The following COL7A1 variants were observed in gnomAD, a reference collection of about 807,000 sequenced individuals.
COL7A1 encodes collagen alpha-1(VII) chain.
A neutral mutation model predicts 456.2 loss-of-function variants in COL7A1; 296 were observed. The ratio of observed to expected loss-of-function variants is 0.65; its 90% CI spans 0.59 to 0.71. The LOEUF is 0.71. Ranked by LOEUF, COL7A1 falls within the 30% of genes least tolerant of loss-of-function variation. The probability of loss-of-function intolerance (pLI) is 0.00; values close to 1 mark genes in which losing one functional copy is unlikely to be tolerated. For synonymous variants in COL7A1, 1,464 were observed against 1,525.9 expected, an observed-to-expected ratio of 0.96 and a Z score of 0.95; for missense variants, 3,441 against 4,017.2, an observed-to-expected ratio of 0.86 and a Z score of 3.88.
chr3:48,584,425 G>T lies in COL7A1; in HGVS notation c.4120-50C>A, dbSNP rs372565695. 9 of 1,612,722 alleles carry T rather than the reference G, an allele frequency of 5.6e-6. No individual in the cohort carries two copies. The Admixed American group carries it at 6.7e-5, about 12-fold the overall frequency. ...GTGCAACCCCACAGACCTCACTCTC[G>T]CCCCCCTCGTGTTGGTCCCCCCACT... On this transcript the variant is annotated intron_variant, in intron 36 of 118. Transcript: ENST00000681320.
Position 48,572,880 on chromosome 3 carries a change from T to C in COL7A1, c.6813A>G (p.Arg2271=). The C allele has an allele frequency of 6.2e-7, 1 of 1,613,918 alleles. No homozygotes were observed. The highest frequency in any genetic ancestry group is 8.5e-7 in the Non-Finnish European group (1 of 1,179,958). ...CACATACTGGCACACCAGGGCTCCC[T>C]CTGTCTCCATCTTTTCCACTGGCAC... ...RDGASGKDGD[R]GSPGVPGSPG... is the part of the protein sequence containing the mutation. Residue 2271 remains arginine, a synonymous_variant, in exon 87 of 119, where the codon AGA becomes AGG. Coordinates refer to ENST00000681320, the MANE Select transcript of COL7A1 (RefSeq NM_000094.4). This position sits in a 1 kb window ranked among gnomAD's most constrained non-coding sequence, Gnocchi z 4.6.
Position 48,567,529 on chromosome 3 carries a change from C to T in COL7A1, c.8046+45G>A. The T allele has an allele frequency of 1.9e-6, 3 of 1,613,198 alleles. No homozygotes were observed. The highest frequency in any genetic ancestry group is 2.5e-6 in the Non-Finnish European group (3 of 1,179,172). Reference sequence around the variant, plus strand: ...ATGACCCGACCATGAGCTTCCCTGCCCCATCCTGACTCCCTGTCATGTCCA... The same window carrying T: ...ATGACCCGACCATGAGCTTCCCTGCTCCATCCTGACTCCCTGTCATGTCCA... On this transcript the variant is annotated intron_variant, in intron 109 of 118. Coordinates refer to ENST00000681320, the MANE Select transcript of COL7A1 (RefSeq NM_000094.4). This position sits in a 1 kb window ranked among gnomAD's most constrained non-coding sequence, Gnocchi z 4.3.
At position 48,567,828 on chromosome 3, in the gene COL7A1, C is replaced by T. The variant is rs1455636240; in HGVS notation, c.7929+10G>A. The T allele has an allele frequency of 6.2e-7, 1 of 1,614,176 alleles. No individual in the cohort carries two copies. Among genetic ancestry groups the T allele is most frequent in the Non-Finnish European group, 8.5e-7 (1 of 1,180,022 alleles). On this transcript the variant is annotated intron_variant, in intron 107 of 118. Transcript: ENST00000681320. This position sits in a 1 kb window ranked among gnomAD's most constrained non-coding sequence, Gnocchi z 4.3. ...GCCACGTAGCCCCCCAGCCCCCATC[C>T]CCTCTGTACCTTGTCTCCCTTCTCT...
At chr3:48,577,630 T>G (rs1009769884) in intron 65 of COL7A1, among the ~76,000 whole-genome samples, 1 of 152,222 alleles carries the variant, frequency 6.6e-6, no homozygotes, top group African/African-American at 2.4e-5. Flanking sequence ...CAGGTCCACA[T>G]GCGGTCTTGG....
At chr3:48,582,382 G>C (rs1196086954) in intron 46 of COL7A1, 24 bp from the exon 47 acceptor site, 1 of 1,614,050 alleles carries the variant, frequency 6.2e-7, no homozygotes. Flanking sequence ...ATAGGAGCAG[G>C]GACAGGTCAG....
At position 48,567,143 on chromosome 3, in the gene COL7A1, GC is replaced by G. The variant is rs1560195478; in HGVS notation, c.8093del (p.Gly2698AlafsTer88). Reference protein sequence around the residue: ...DGQPGPKGDQGEKGERGTPGI... With the variant: ...DGQPGPKGDQXEKGERGTPGI... The stretch of plus-strand genomic sequence containing the variant: ...TTCAACTCACCCGCTCCCCTTTCTC[GC>G]CCTGGTCACCCTTGGGGCCTGGCTG... On this transcript the variant is annotated frameshift_variant, in exon 110 of 119. Transcript: ENST00000681320. LOFTEE classifies it high-confidence loss of function. The surrounding 1 kb of genome is among the most constrained non-coding windows in gnomAD (Gnocchi z 4.3). The G allele has an allele frequency of 1.9e-6, 3 of 1,613,838 alleles. No homozygotes were observed. The highest frequency in any genetic ancestry group is 2.5e-6 in the Non-Finnish European group (3 of 1,179,956).
chr3:48,584,828 A>T, intron 34 of COL7A1, 59 bp from the exon 35 acceptor site: 2 of 1,613,766 alleles, frequency 1.2e-6, no homozygotes. Flanking sequence ...CAACGTGGGC[A>T]CTGCACCACC....
chr3:48,590,376 C>G lies in COL7A1; in HGVS notation c.1907-20G>C. 1 of 1,614,064 alleles carries G rather than the reference C, an allele frequency of 6.2e-7. No individual in the cohort carries two copies. Among genetic ancestry groups the G allele is most frequent in the Non-Finnish European group, 8.5e-7 (1 of 1,179,984 alleles). Reference sequence around the variant, plus strand: ...CCGGACCTGAGGTCAGAGGGAAATGCTGGCATGGCTCCTGCCTGTCCCCTC... The same window carrying G: ...CCGGACCTGAGGTCAGAGGGAAATGGTGGCATGGCTCCTGCCTGTCCCCTC... On this transcript the variant is annotated intron_variant, in intron 15 of 118. Transcript: ENST00000681320. This position sits in a 1 kb window ranked among gnomAD's most constrained non-coding sequence, Gnocchi z 4.6.
chr3:48,587,390 A>G lies in COL7A1; in HGVS notation c.2992+30T>C. The G allele has an allele frequency of 1.2e-6, 2 of 1,613,114 alleles. 1 individual carries two copies. The highest frequency in any genetic ancestry group is 2.2e-5 in the South Asian group (2 of 91,070). ...CTGTCTCCACAGAGCCCCAACTGCC[A>G]GCCCACCCAAATCCTGGCCTCCCCC... On this transcript the variant is annotated intron_variant, in intron 23 of 118. Transcript: ENST00000681320. This position sits in a 1 kb window ranked among gnomAD's most constrained non-coding sequence, Gnocchi z 6.1.
Position 48,583,073 on chromosome 3 carries a change from C to G in COL7A1, c.4483-25G>C. On this transcript the variant is annotated intron_variant, in intron 43 of 118. Coordinates refer to ENST00000681320, the MANE Select transcript of COL7A1 (RefSeq NM_000094.4). The surrounding 1 kb of genome is among the most constrained non-coding windows in gnomAD (Gnocchi z 5.1). The stretch of plus-strand genomic sequence containing the variant: ...CCTGATGGAAAAGAAGAGGTCAGAG[C>G]TGAGTTGGGCCCAGATCCTCCAGGG... 1.2e-6 allele frequency: 2 copies of G among 1,614,042 alleles called. No individual in the cohort carries two copies.
rs1198420947 is a variant in COL7A1, at chr3:48,580,837, G to A, written c.4980+45C>T. 4 of 1,612,230 alleles carry A rather than the reference G, an allele frequency of 2.5e-6. No individual in the cohort carries two copies. In the Admixed American group the frequency reaches 5.0e-5, roughly 20 times the overall value. Reference sequence around the variant, plus strand: ...CCTCAGCCTTTCCTATCACCTTCATGCCCACCTCCCATCACCCCTGTTACT... The same window carrying A: ...CCTCAGCCTTTCCTATCACCTTCATACCCACCTCCCATCACCCCTGTTACT... On this transcript the variant is annotated intron_variant, in intron 54 of 118. Coordinates refer to ENST00000681320, the MANE Select transcript of COL7A1 (RefSeq NM_000094.4). This position sits in a 1 kb window ranked among gnomAD's most constrained non-coding sequence, Gnocchi z 4.5.
At position 48,584,508 on chromosome 3, in the gene COL7A1, G is replaced by A. The variant is rs147089666; in HGVS notation, c.4096C>T (p.Arg1366Trp). 9.3e-6 allele frequency: 15 copies of A among 1,613,700 alleles called. No individual in the cohort carries two copies. The highest frequency in any genetic ancestry group is 5.3e-5 in the African/African-American group (4 of 74,816). ...IGGEGPGLPG[R>W]KGDPGPSGPP... ...ACCGATGGTCCAGGGTCCCCTTTCC[G>A]CCCAGGAAGCCCAGGTCCTTCACCT... The change falls in exon 36 of 119, where the codon CGG becomes TGG. Residue 1366 changes from arginine (R) to tryptophan (W), a missense_variant. This residue lies in a region of COL7A1 where 2,084 missense variants were observed against 2,501.3 expected (regional missense o/e 0.83). Transcript: ENST00000681320.
rs2043950718 is a variant in COL7A1 at position 48,571,982 on chromosome 3, G to A, written c.7068+19C>T. On this transcript the variant is annotated intron_variant, in intron 92 of 118. Transcript: ENST00000681320. The surrounding 1 kb of genome is among the most constrained non-coding windows in gnomAD (Gnocchi z 4.6). ...CACTCCTCAGGCCAGGCTCGCCCTT[G>A]CCTAGGCCCCGGACTCACATCTTCC... 2 of 1,610,688 alleles carry A rather than the reference G, an allele frequency of 1.2e-6. No individual in the cohort carries two copies. Among genetic ancestry groups the A allele is most frequent in the East Asian group, 4.5e-5 (2 of 44,752 alleles).
intron 47 of COL7A1, 46 bp downstream of exon 47, chr3:48,582,277 C>T (rs1489514626): frequency 1.2e-6 from 2 of 1,613,662 alleles, no homozygotes; most frequent in African/African-American, 2.7e-5. Context: ...AGGGTCACTG[C>T]TCAAGGGCTG....
Position 48,574,997 on chromosome 3 carries a change from G to A in COL7A1, c.6279+67C>T. The A allele has an allele frequency of 6.3e-7, 1 of 1,578,422 alleles. No homozygotes were observed. Among genetic ancestry groups the A allele is most frequent in the Non-Finnish European group, 8.7e-7 (1 of 1,148,858 alleles). On this transcript the variant is annotated intron_variant, in intron 76 of 118. Coordinates refer to ENST00000681320, the MANE Select transcript of COL7A1 (RefSeq NM_000094.4). The surrounding 1 kb of genome is among the most constrained non-coding windows in gnomAD (Gnocchi z 5.0). ...TTATGGCACACACTACCATATTTCTGGGGACCAAGCTAAGGGTGGCTTCCT... is the reference window on the plus strand; with the variant it reads ...TTATGGCACACACTACCATATTTCTAGGGACCAAGCTAAGGGTGGCTTCCT...
In COL7A1 at chr3:48,592,595, C is replaced by T. The variant is rs1482481603; in HGVS notation, c.951G>A (p.Glu317=). Residue 317 remains glutamate, a synonymous_variant, in exon 8 of 119, where the codon GAG becomes GAA. Transcript: ENST00000681320. This position sits in a 1 kb window ranked among gnomAD's most constrained non-coding sequence, Gnocchi z 7.6. ...TGGTCCGAGCTGTCCCGCTCACAGC[C>T]TCCCCGATGCTGTTGGCGTAGAGGG... is the stretch of plus-strand genomic sequence containing the variant. ...VIALYANSIG[E]AVSGTARTTA... 2.8e-5 allele frequency: 45 copies of T among 1,613,938 alleles called. No homozygotes were observed. Among genetic ancestry groups the T allele is most frequent in the Non-Finnish European group, 3.6e-5 (43 of 1,180,054 alleles).
Position 48,594,773 on chromosome 3 carries a change from C to A in COL7A1, c.86-225G>T, listed in dbSNP as rs2045960180. On this transcript the variant is annotated intron_variant, in intron 2 of 118. Transcript: ENST00000681320. The surrounding 1 kb of genome is among the most constrained non-coding windows in gnomAD (Gnocchi z 5.5). The stretch of plus-strand genomic sequence containing the variant: ...GGGGTGTGCGGGGGAGGGAGAGTCG[C>A]CAGCACGGGTGTGGACTTGGGACTG... Among the ~76,000 whole-genome samples the A allele has an allele frequency of 6.6e-6, 1 of 152,116 alleles. No homozygotes were observed.
Position 48,591,440 on chromosome 3 carries a change from G to T in COL7A1, c.1636+24C>A. 8.1e-6 allele frequency: 13 copies of T among 1,611,832 alleles called. No individual in the cohort carries two copies. The highest frequency in any genetic ancestry group is 1.1e-5 in the Non-Finnish European group (13 of 1,179,004). ...GCTGGAACTTCAGTGTGTGTGGTGG[G>T]GGTGCTGGCTGCGTCCACCTCACCC... On this transcript the variant is annotated intron_variant, in intron 13 of 118. Transcript: ENST00000681320. The surrounding 1 kb of genome is among the most constrained non-coding windows in gnomAD (Gnocchi z 7.0).
Position 48,580,675 on chromosome 3 carries a change from G to A in COL7A1, c.4981-23C>T, listed in dbSNP as rs1347785828. On this transcript the variant is annotated intron_variant, in intron 54 of 118. Coordinates refer to ENST00000681320, the MANE Select transcript of COL7A1 (RefSeq NM_000094.4). This position sits in a 1 kb window ranked among gnomAD's most constrained non-coding sequence, Gnocchi z 4.5. Reference sequence around the variant, plus strand: ...CCCCTAAGAAGAGCAGCTGGCCTGAGACAGACCCTCCCAATATTTTGCAGG... The same window carrying A: ...CCCCTAAGAAGAGCAGCTGGCCTGAAACAGACCCTCCCAATATTTTGCAGG... The A allele has an allele frequency of 6.2e-7, 1 of 1,613,188 alleles. No individual in the cohort carries two copies. Among genetic ancestry groups the A allele is most frequent in the South Asian group, 1.1e-5 (1 of 91,044 alleles).
Sources: allele counts gnomAD v4.1 joint callset (sites outside exome capture counted in the v4.1 genomes callset), GRCh38; gene constraint gnomAD v4.1.1; regional missense constraint gnomAD v4.1.1; non-coding constraint Gnocchi (gnomAD v3.1); transcripts MANE v1.5; gene names NCBI Gene and HGNC (gene_info 2026-07-23, HGNC 2026-07-21).